The following RGS7 variants were observed in gnomAD, a reference collection of about 807,000 sequenced individuals.
RGS7 encodes regulator of G protein signaling 7.
In RGS7, 27 loss-of-function variants were observed where a neutral mutation model predicts 81.1. The ratio of observed to expected loss-of-function variants is 0.33; its 90% CI spans 0.25 to 0.46. RGS7 has a LOEUF of 0.46. RGS7 is among the 20% of genes least tolerant of loss of function. The pLI is 1.00. For missense variants in RGS7, 396 were observed against 607.4 expected, an observed-to-expected ratio of 0.65 and a Z score of 3.66; for synonymous variants, 208 against 207.7, an observed-to-expected ratio of 1.00 and a Z score of -0.01.
intron 6 of RGS7, among the ~76,000 whole-genome samples, chr1:240,901,084 C>T (rs957781797): frequency 6.6e-6 from 1 of 152,200 alleles, no homozygotes; most frequent in Non-Finnish European, 1.5e-5. Flanking sequence ...GGTGTGGGAC[C>T]CTCCGAGCCA....
At chr1:241,106,859 AAGT>A (rs1304306064) in intron 2 of RGS7, among the ~76,000 whole-genome samples, 193 of 151,058 alleles carry the variant, frequency 1.3e-3, no homozygotes, top group African/African-American at 4.4e-3. Context: ...TGCAGAAATA[AAGT>A]AGAGGTTTTT....
At chr1:240,841,624 T>C (rs1020237298) in intron 9 of RGS7, among the ~76,000 whole-genome samples, 2 of 152,226 alleles carry the variant, frequency 1.3e-5, no homozygotes, top group South Asian at 2.1e-4. Flanking sequence ...CTCTAAACTA[T>C]ATAGATTAGT....
At chr1:240,960,531 T>G (rs1483699646) in intron 4 of RGS7, among the ~76,000 whole-genome samples, 1 of 149,242 alleles carries the variant, frequency 6.7e-6, no homozygotes, top group East Asian at 2.0e-4. Context: ...CGTGAGCCAC[T>G]GTGCCTGGGC....
intron 2 of RGS7, among the ~76,000 whole-genome samples, chr1:241,241,681 G>A (rs1049067604): frequency 6.6e-6 from 1 of 152,080 alleles, no homozygotes; most frequent in African/African-American, 2.4e-5. Context: ...CATGAGCCAT[G>A]GGAGATCCCG....
chr1:240,936,775 G>A (rs533602620), intron 4 of RGS7, 69 bp from the exon 5 acceptor site: 132 of 1,167,610 alleles, frequency 1.1e-4, no homozygotes, highest in Middle Eastern at 8.3e-4. Context: ...GGAATGTAAC[G>A]TTTTTGTGTG....
intron 4 of RGS7, among the ~76,000 whole-genome samples, chr1:240,951,376 T>C (rs1450283533): frequency 6.6e-6 from 1 of 152,154 alleles, no homozygotes; most frequent in Non-Finnish European, 1.5e-5. Context: ...TGTTAGGGAC[T>C]CTAATAGAAA....
At chr1:241,303,167 T>C (rs1160246561) in intron 2 of RGS7, among the ~76,000 whole-genome samples, 2 of 146,286 alleles carry the variant, frequency 1.4e-5, no homozygotes, top group Admixed American at 6.7e-5. Context: ...CAAATTGTAA[T>C]CCCCAGTGTT....
intron 2 of RGS7, among the ~76,000 whole-genome samples, chr1:241,312,895 A>T (rs1191647912): frequency 6.6e-6 from 1 of 152,224 alleles, no homozygotes; most frequent in Admixed American, 6.5e-5. Context: ...GAAGAAAATT[A>T]AAAGTGCTAC....
chr1:241,286,691 A>C (rs956332130), intron 2 of RGS7, among the ~76,000 whole-genome samples: 1 of 152,156 alleles, frequency 6.6e-6, no homozygotes, highest in African/African-American at 2.4e-5. Flanking sequence ...GGGCTTTCTG[A>C]ACAAGTGCCA....
At chr1:241,095,739 A>G (rs73125601) in intron 3 of RGS7, among the ~76,000 whole-genome samples, 8,125 of 152,300 alleles carry the variant, frequency 0.053, 713 homozygotes, top group African/African-American at 0.18. Flanking sequence ...AGTAATTAAC[A>G]TATCCATTAT....
rs760131956 is a variant in RGS7, at chr1:241,342,928, G to A, written c.78+12771C>T. 5.3e-5 allele frequency among the ~76,000 whole-genome samples: 8 copies of A among 152,262 alleles called. No individual in the cohort carries two copies. The East Asian group carries it at 1.5e-3, about 29-fold the overall frequency. ...GTCCTGCTGGTGGAGATGTCAAATGGTGCAGCCACTAGAGAACACGGTATG... is the reference window on the plus strand; with the variant it reads ...GTCCTGCTGGTGGAGATGTCAAATGATGCAGCCACTAGAGAACACGGTATG... On this transcript the variant is annotated intron_variant, in intron 2 of 18. Transcript: ENST00000440928.
chr1:241,145,509 G>A (rs913180323), intron 2 of RGS7, among the ~76,000 whole-genome samples: 2 of 152,138 alleles, frequency 1.3e-5, no homozygotes, highest in African/African-American at 2.4e-5. Context: ...AATTCTATGG[G>A]CCAGACGTGA....
At chr1:240,785,087 A>G (rs1218401048) in intron 18 of RGS7, among the ~76,000 whole-genome samples, 2 of 152,240 alleles carry the variant, frequency 1.3e-5, no homozygotes, top group Non-Finnish European at 2.9e-5. Context: ...CTCTTAGCAG[A>G]GTCTAAACTA....
At chr1:240,916,890 CACA>C (rs1225125748) in intron 6 of RGS7, among the ~76,000 whole-genome samples, 1 of 152,146 alleles carries the variant, frequency 6.6e-6, no homozygotes, top group Non-Finnish European at 1.5e-5. Flanking sequence ...CACCAAGCCA[CACA>C]ACAAGGAAAC....
intron 2 of RGS7, among the ~76,000 whole-genome samples, chr1:241,193,284 C>T (rs1249306484): frequency 1.3e-5 from 2 of 152,208 alleles, no homozygotes; most frequent in African/African-American, 4.8e-5. Context: ...TCCCGCAAGA[C>T]CTCATCCATT....
chr1:241,043,117 T>C (rs1432310159), intron 3 of RGS7, among the ~76,000 whole-genome samples: 7 of 151,990 alleles, frequency 4.6e-5, no homozygotes, highest in Non-Finnish European at 1.0e-4. Context: ...AGTCCACTCA[T>C]TCTACACGAG....
At chr1:240,975,715 AAT>A (rs1374383640) in intron 4 of RGS7, among the ~76,000 whole-genome samples, 4 of 152,262 alleles carry the variant, frequency 2.6e-5, no homozygotes, top group Non-Finnish European at 5.9e-5. Flanking sequence ...ATCCATAATT[AAT>A]ATGACATGAT....
At chr1:240,936,085 A>C (rs1027223859) in intron 5 of RGS7, among the ~76,000 whole-genome samples, 2 of 152,236 alleles carry the variant, frequency 1.3e-5, no homozygotes. Context: ...AATGACTCTT[A>C]TCAGTTTGCA....
Position 241,295,506 on chromosome 1 carries a change from G to A in RGS7, c.78+60193C>T, listed in dbSNP as rs2079371513. ...TTACAAATATACAGACATTAATAAT[G>A]GAGTCTGAGGATAAGAGCCTTCAAA... On this transcript the variant is annotated intron_variant, in intron 2 of 18. Coordinates refer to ENST00000440928, the MANE Select transcript of RGS7 (RefSeq NM_001364886.1). 3.3e-5 allele frequency among the ~76,000 whole-genome samples: 5 copies of A among 152,180 alleles called. No individual in the cohort carries two copies. In the South Asian group the frequency reaches 1.0e-3, roughly 32 times the overall value.
Sources: allele counts gnomAD v4.1 joint callset (sites outside exome capture counted in the v4.1 genomes callset), GRCh38; gene constraint gnomAD v4.1.1; transcripts MANE v1.5; gene names NCBI Gene and HGNC (gene_info 2026-07-23, HGNC 2026-07-21).